SH3D21: variants seen among roughly 807,000 people sequenced by gnomAD.
The protein encoded by SH3D21 is manchette microtubule inner protein 1, also known as SH3 domain-containing protein 21.
In SH3D21, 83 loss-of-function variants were observed where a neutral mutation model predicts 82.1. That is an observed-to-expected ratio of 1.01 (90% CI 0.85 to 1.21). The LOEUF (loss-of-function observed/expected upper bound fraction) is 1.21. SH3D21 is among the 50% of genes most tolerant of loss of function. SH3D21 has a pLI of 0.00. For synonymous variants in SH3D21, 383 were observed against 387.8 expected (o/e 0.99, Z 0.15); for missense variants, 980 against 962.1 (o/e 1.02, Z -0.25).
downstream of SH3D21, chr1:36,328,310 C>T: frequency 2.7e-6 from 1 of 372,088 alleles, no homozygotes; most frequent in South Asian, 2.0e-5. Flanking sequence ...GAAGGCTTGC[C>T]CTGGCTATTC....
chr1:36,321,668 G>T (rs904195519), downstream of SH3D21: 3 of 1,015,472 alleles, frequency 3.0e-6, no homozygotes, highest in South Asian at 1.2e-4. The surrounding 1 kb of genome is among the most constrained non-coding windows in gnomAD (Gnocchi z 6.1). Flanking sequence ...ACCGGGGCTA[G>T]CAGCACCTTA....
chr1:36,318,643 C>A (rs1277532598), intron 10 of SH3D21, among the ~76,000 whole-genome samples: 1 of 151,902 alleles, frequency 6.6e-6, no homozygotes, highest in Non-Finnish European at 1.5e-5. Context: ...CGCAGTGGCT[C>A]ACACCTGTAA....
intron 10 of SH3D21, among the ~76,000 whole-genome samples, chr1:36,315,580 C>A (rs1646328774): frequency 6.6e-6 from 1 of 152,074 alleles, no homozygotes; most frequent in Non-Finnish European, 1.5e-5. Context: ...AACTCCTGAC[C>A]TCAGGTGATC....
At chr1:36,324,654 A>T (rs1289052530), downstream of SH3D21, 4 of 152,128 alleles carry the variant, frequency 2.6e-5, no homozygotes, top group East Asian at 7.7e-4. Flanking sequence ...CCCAGTCCCG[A>T]GACTGGGTTC....
intron 10 of SH3D21, among the ~76,000 whole-genome samples, chr1:36,313,758 T>A (rs916852180): frequency 6.6e-6 from 1 of 151,526 alleles, no homozygotes; most frequent in African/African-American, 2.4e-5. Context: ...AAAGAAAAGG[T>A]CTTGCTATGT....
At chr1:36,322,943 C>A, downstream of SH3D21, 1 of 1,605,786 alleles carries the variant, frequency 6.2e-7, no homozygotes. Context: ...AGGGTTCAGG[C>A]CCCCAGTCTT....
In SH3D21 at chr1:36,306,951, G is replaced by A. The variant is rs1045607105; in HGVS notation, c.226+46G>A. The A allele has an allele frequency of 2.2e-6, 3 of 1,340,928 alleles. No homozygotes were observed. The highest frequency in any genetic ancestry group is 2.9e-6 in the Non-Finnish European group (3 of 1,036,838). 83.1% of individuals were successfully genotyped at this position (1,340,928 alleles called of 1,614,324 possible). A position where few individuals can be genotyped will look rare whatever the true frequency, so the allele number is the denominator to read the frequency against. On this transcript the variant is annotated intron_variant, in intron 3 of 15. Transcript: ENST00000453908. The surrounding 1 kb of genome is among the most constrained non-coding windows in gnomAD (Gnocchi z 4.5). Reference sequence around the variant, plus strand: ...GGGCGCCGGTGGGCGGGTGCACGGAGCCAGTGCGACCCCGGCGTCTCCGGC... The same window carrying A: ...GGGCGCCGGTGGGCGGGTGCACGGAACCAGTGCGACCCCGGCGTCTCCGGC...
At chr1:36,327,139 A>T (rs1169611128), downstream of SH3D21, among the ~76,000 whole-genome samples, 1 of 152,110 alleles carries the variant, frequency 6.6e-6, no homozygotes, top group African/African-American at 2.4e-5. Context: ...CAGAACAGGG[A>T]TGTGATCAGC....
At chr1:36,313,014 T>G (rs1002782574) in intron 10 of SH3D21, among the ~76,000 whole-genome samples, 2 of 151,878 alleles carry the variant, frequency 1.3e-5, no homozygotes, top group Non-Finnish European at 2.9e-5. Context: ...ACCTGGCCTA[T>G]CTGGTGGATC....
chr1:36,320,516 C>T lies in SH3D21; in HGVS notation c.1853C>T (p.Pro618Leu), dbSNP rs1488165296. ...AGGCCTCTGAGAGAGGAGGTGCTCC[C>T]CAAAGAGGGAGTGGCTTCCAAAGAG... is the stretch of plus-strand genomic sequence containing the variant. The part of the protein sequence containing the change: ...EQRPLREEVL[P>L]KEGVASKEEV... Residue 618 changes from proline to leucine, a missense_variant, in exon 14 of 16, where the codon CCC (proline) becomes CTC (leucine). Transcript: ENST00000453908. The T allele has an allele frequency of 1.9e-6, 3 of 1,614,094 alleles. No individual in the cohort carries two copies. The Admixed American group carries it at 5.0e-5, about 27-fold the overall frequency.
At chr1:36,325,766 G>A (rs1030611778), downstream of SH3D21, among the ~76,000 whole-genome samples, 3 of 152,082 alleles carry the variant, frequency 2.0e-5, no homozygotes, top group South Asian at 2.1e-4. Flanking sequence ...GGATGGTCTC[G>A]ATCTGCTGAC....
chr1:36,313,967 A>ATTTTTTTTTTTTTTTTTTTTTT (rs1207014644), intron 10 of SH3D21, among the ~76,000 whole-genome samples: 11 of 36,874 alleles, frequency 3.0e-4, no homozygotes, highest in African/African-American at 4.9e-4. Flanking sequence ...TGCTGAACAT[A>ATTTTTTTTTTTTTTTTTTTTTT]TTTTCTTTTT....
chr1:36,319,049 T>G, intron 10 of SH3D21, 22 bp from the exon 11 acceptor site: 1 of 1,394,548 alleles, frequency 7.2e-7, no homozygotes, highest in South Asian at 1.2e-5. Context: ...GATGGATGAG[T>G]GCTCCACTCC....
At chr1:36,309,629 T>TG in intron 10 of SH3D21, 39 bp downstream of exon 10, 1 of 1,550,196 alleles carries the variant, frequency 6.5e-7, no homozygotes. Context: ...GGGTGTTCTC[T>TG]GGGAGACCCA....
Position 36,319,868 on chromosome 1 carries a change from C to T in SH3D21, c.1205C>T (p.Ser402Phe), listed in dbSNP as rs377209392. 1.2e-6 allele frequency: 2 copies of T among 1,614,014 alleles called. No individual in the cohort carries two copies. Among genetic ancestry groups the T allele is most frequent in the Non-Finnish European group, 1.7e-6 (2 of 1,179,964 alleles). Residue 402 changes from serine (S) to phenylalanine (F), a missense_variant, in exon 14 of 16, where the codon TCC becomes TTC. Coordinates refer to ENST00000453908, the MANE Select transcript of SH3D21 (RefSeq NM_001162530.2). The stretch of plus-strand genomic sequence containing the variant: ...GACAAGGCCTCTATCCCAGGGAACT[C>T]CACCTCGGGGAAGATCCCAGCTCCT... ...LGDKASIPGN[S>F]TSGKIPAPDK... is the part of the protein sequence containing the mutation.
At chr1:36,312,472 A>G (rs1405468002) in intron 10 of SH3D21, among the ~76,000 whole-genome samples, 4 of 152,232 alleles carry the variant, frequency 2.6e-5, no homozygotes, top group Non-Finnish European at 4.4e-5. Context: ...ATAGCCAGCC[A>G]TGGTGCTAAA....
intron 10 of SH3D21, among the ~76,000 whole-genome samples, chr1:36,312,307 G>C (rs1401496244): frequency 6.6e-6 from 1 of 152,214 alleles, no homozygotes; most frequent in African/African-American, 2.4e-5. Flanking sequence ...ACAGGCGTGA[G>C]CCACCGCACA....
intron 8 of SH3D21, 30 bp downstream of exon 8, chr1:36,308,239 G>A: frequency 6.6e-7 from 1 of 1,507,356 alleles, no homozygotes; most frequent in Non-Finnish European, 8.9e-7. Flanking sequence ...GGGGGGCCCA[G>A]GGAAGCCGGT....
downstream of SH3D21, chr1:36,322,512 G>C (rs532193645): frequency 1.2e-5 from 19 of 1,601,466 alleles, no homozygotes; most frequent in East Asian, 8.9e-5. Flanking sequence ...GCCCGGCAGC[G>C]TGTCGTCGGG....
Sources: gnomAD v4.1 joint callset for allele counts (sites outside exome capture counted in the v4.1 genomes callset) on GRCh38, gnomAD v4.1.1 for gene constraint, Gnocchi (gnomAD v3.1) non-coding constraint, MANE v1.5 for transcripts, NCBI Gene and HGNC (gene_info 2026-07-23, HGNC 2026-07-21) for gene names.